SERGEF: variants seen among roughly 807,000 people sequenced by gnomAD.
The protein encoded by SERGEF is secretion regulating guanine nucleotide exchange factor.
SERGEF carries 51 observed loss-of-function variants against 50.0 expected under a neutral mutation model. The observed-to-expected ratio is 1.02, with a 90% CI of 0.81 to 1.29. The LOEUF is 1.29. Ranked by LOEUF, SERGEF falls within the 50% of genes most tolerant of loss-of-function variation. SERGEF has a pLI of 0.00. For synonymous variants in SERGEF, 205 were observed against 212.4 expected, an observed-to-expected ratio of 0.97 and a Z score of 0.30; for missense variants, 521 against 557.0, an observed-to-expected ratio of 0.94 and a Z score of 0.65.
intron 10 of SERGEF, among the ~76,000 whole-genome samples, chr11:17,838,544 C>A (rs765494142): frequency 3.3e-5 from 5 of 152,152 alleles, no homozygotes; most frequent in Non-Finnish European, 7.4e-5. Flanking sequence ...GCAGTTTACA[C>A]ACATTATCTC....
intron 8 of SERGEF, among the ~76,000 whole-genome samples, chr11:17,984,458 A>T (rs1055772039): frequency 6.6e-6 from 1 of 152,216 alleles, no homozygotes; most frequent in Admixed American, 6.5e-5. Flanking sequence ...CAGTACCAAG[A>T]AGAATGGTAC....
At chr11:17,810,964 G>A (rs1849859945) in intron 10 of SERGEF, among the ~76,000 whole-genome samples, 1 of 152,220 alleles carries the variant, frequency 6.6e-6, no homozygotes, top group Admixed American at 6.5e-5. Context: ...TCCAGTATCA[G>A]TGTTCTAGCC....
chr11:17,965,374 T>C (rs1187658378), intron 8 of SERGEF, among the ~76,000 whole-genome samples: 1 of 152,198 alleles, frequency 6.6e-6, no homozygotes, highest in African/African-American at 2.4e-5. Context: ...TTACCCAGTT[T>C]CAGGCATTTC....
chr11:17,953,065 C>T (rs1443388146), intron 9 of SERGEF, among the ~76,000 whole-genome samples: 2 of 151,330 alleles, frequency 1.3e-5, no homozygotes, highest in East Asian at 2.0e-4. Context: ...AACCTCCCAC[C>T]CTAGCCCCCA....
rs542381483 is a variant in SERGEF at position 17,908,669 on chromosome 11, ATGAG to A, written c.1012-30429_1012-30426del. On this transcript the variant is annotated intron_variant, in intron 9 of 10. Transcript: ENST00000265965. ...TCAGTATTCAGAAAACAGTTGATGAATGAGTGAGTGAGTAAATAAATAAATGCAC... is the reference window on the plus strand; with the variant it reads ...TCAGTATTCAGAAAACAGTTGATGAATGAGTGAGTAAATAAATAAATGCAC... Among the ~76,000 whole-genome samples, 787 of 152,314 alleles carry A rather than the reference ATGAG, an allele frequency of 5.2e-3. 15 individuals carry two copies. Among genetic ancestry groups the A allele is most frequent in the East Asian group, 8.9e-3 (46 of 5,190 alleles).
In SERGEF at chr11:17,995,856, A is replaced by C. The variant is rs1853826884; in HGVS notation, c.562T>G (p.Leu188Val). 4 of 1,613,990 alleles carry C rather than the reference A, an allele frequency of 2.5e-6. No individual in the cohort carries two copies. The South Asian group carries it at 4.4e-5, about 18-fold the overall frequency. The change falls in exon 6 of 11, where the codon TTG (leucine) becomes GTG (valine). Residue 188 changes from leucine (L) to valine (V), a missense_variant. By Grantham distance (32) the Leu-to-Val change is conservative. Transcript: ENST00000265965. ...GTGLASCGRR[L>V]CPGQTLPLFF... ...AATGGAAGAGTCTGCCCAGGGCACAACCGTCGTCCACATGATGCCAAACCA... is the reference window on the plus strand; with the variant it reads ...AATGGAAGAGTCTGCCCAGGGCACACCCGTCGTCCACATGATGCCAAACCA...
intron 9 of SERGEF, among the ~76,000 whole-genome samples, chr11:17,946,392 A>G (rs972668302): frequency 1.3e-5 from 2 of 152,210 alleles, no homozygotes; most frequent in Non-Finnish European, 2.9e-5. Context: ...GAAAGTGCTT[A>G]GGAGAGAATC....
intron 9 of SERGEF, among the ~76,000 whole-genome samples, chr11:17,916,952 T>G (rs1410847436): frequency 2.0e-5 from 3 of 152,240 alleles, no homozygotes; most frequent in South Asian, 2.1e-4. Flanking sequence ...CAGGGAACAC[T>G]TGTACACTGT....
At chr11:17,817,057 G>C (rs1416538152) in intron 10 of SERGEF, among the ~76,000 whole-genome samples, 1 of 152,090 alleles carries the variant, frequency 6.6e-6, no homozygotes, top group Non-Finnish European at 1.5e-5. Flanking sequence ...CTCTGCTGCT[G>C]GTGTTGCTCT....
rs759778761 is a variant in SERGEF at position 17,913,879 on chromosome 11, T to G, written c.1012-35635A>C. Among the ~76,000 whole-genome samples, 7 of 152,296 alleles carry G rather than the reference T, an allele frequency of 4.6e-5. No individual in the cohort carries two copies. In the South Asian group the frequency reaches 8.3e-4, roughly 18 times the overall value. ...CACCTTACTTAGACTTTGACAACTGTTTCCTTACTGGTCTCCCTGCCTACT... is the reference window on the plus strand; with the variant it reads ...CACCTTACTTAGACTTTGACAACTGGTTCCTTACTGGTCTCCCTGCCTACT... On this transcript the variant is annotated intron_variant, in intron 9 of 10. Coordinates refer to ENST00000265965, the MANE Select transcript of SERGEF (RefSeq NM_012139.4).
intron 9 of SERGEF, among the ~76,000 whole-genome samples, chr11:17,892,102 G>A (rs1183565261): frequency 6.6e-6 from 1 of 152,128 alleles, no homozygotes; most frequent in South Asian, 2.1e-4. Context: ...GGAGCACTTG[G>A]GGATAAAAAG....
intron 9 of SERGEF, among the ~76,000 whole-genome samples, chr11:17,944,129 G>A (rs186959807): frequency 1.3e-3 from 198 of 152,070 alleles, no homozygotes; most frequent in African/African-American, 4.3e-3. Context: ...GGGTTTCGTC[G>A]TGTTAGCCAG....
intron 4 of SERGEF, among the ~76,000 whole-genome samples, chr11:18,002,993 CTT>C (rs1268391959): frequency 6.6e-6 from 1 of 152,080 alleles, no homozygotes; most frequent in African/African-American, 2.4e-5. Context: ...TTAATTATAA[CTT>C]ATATGTAGGT....
intron 9 of SERGEF, among the ~76,000 whole-genome samples, chr11:17,881,930 C>A (rs936270669): frequency 6.6e-6 from 1 of 152,276 alleles, no homozygotes; most frequent in Middle Eastern, 3.4e-3. Context: ...ATGAATAGGT[C>A]CCTGTTTACC....
chr11:17,868,390 A>C (rs1851072103), intron 10 of SERGEF, among the ~76,000 whole-genome samples: 1 of 152,184 alleles, frequency 6.6e-6, no homozygotes, highest in Non-Finnish European at 1.5e-5. Context: ...TCCAGTTCCC[A>C]ACAAGTTCCT....
intron 1 of SERGEF, among the ~76,000 whole-genome samples, chr11:18,008,502 G>A (rs1854129357): frequency 1.3e-5 from 2 of 152,220 alleles, no homozygotes; most frequent in Admixed American, 6.5e-5. Context: ...GGCCCCAGAA[G>A]GCAAAGCAGC....
chr11:17,866,831 G>A (rs1450073070), intron 10 of SERGEF: 3 of 152,238 alleles, frequency 2.0e-5, no homozygotes, highest in African/African-American at 7.2e-5. Context: ...CGTGGCAGAA[G>A]ACAAGGAGAA....
intron 10 of SERGEF, chr11:17,846,707 A>C (rs746473494): frequency 2.2e-6 from 1 of 456,300 alleles, no homozygotes; most frequent in South Asian, 1.5e-5. Context: ...ATTTCTCTGC[A>C]ACTCCATTTC....
At chr11:17,959,280 C>G (rs559496155) in intron 9 of SERGEF, among the ~76,000 whole-genome samples, 190 bp downstream of exon 9, 60 of 152,306 alleles carry the variant, frequency 3.9e-4, no homozygotes, top group African/African-American at 1.4e-3. Context: ...CAAAGTCTGC[C>G]TTGCAGTACA....
Sources: allele counts gnomAD v4.1 joint callset (sites outside exome capture counted in the v4.1 genomes callset), GRCh38; gene constraint gnomAD v4.1.1; transcripts MANE v1.5; gene names NCBI Gene and HGNC (gene_info 2026-07-23, HGNC 2026-07-21).